FRY: variants seen among roughly 807,000 people sequenced by gnomAD.
FRY encodes protein furry homolog.
Under a neutral mutation model 348.4 loss-of-function variants are expected in FRY, and 128 were observed. That is an observed-to-expected ratio of 0.37 (90% CI 0.32 to 0.43). FRY has a LOEUF of 0.43. FRY is among the 20% of genes least tolerant of loss of function. The pLI, the probability that FRY is intolerant of heterozygous loss-of-function variation, is 1.00. For synonymous variants in FRY, 1,370 were observed against 1,374.7 expected (o/e 1.00, Z 0.08); for missense variants, 2,736 against 3,695.2 (o/e 0.74, Z 6.73).
chr13:32,274,954 G>A lies in FRY; in HGVS notation c.8249G>A (p.Cys2750Tyr), dbSNP rs1397205634. 1.2e-6 allele frequency: 2 copies of A among 1,613,692 alleles called. No individual in the cohort carries two copies. The highest frequency in any genetic ancestry group is 1.7e-6 in the Non-Finnish European group (2 of 1,179,800). ...AGCTCTTCCCAGATGCTCACCTCCT[G>A]CTCTGAATGTCCTACACTTTTTGTG... ...FVSSSQMLTS[C>Y]SECPTLFVDA... is the part of the protein sequence containing the mutation. Residue 2750 changes from cysteine (C) to tyrosine (Y), a missense_variant, in exon 56 of 61, where the codon TGC becomes TAC. Physicochemically the swap from Cys to Tyr is radical, Grantham distance 194 (BLOSUM62 -2). This residue lies in a region of FRY where 789 missense variants were observed against 996.2 expected (regional missense o/e 0.79). Coordinates refer to ENST00000542859, the MANE Select transcript of FRY (RefSeq NM_023037.3).
At chr13:32,233,290 A>G (rs1205806859) in intron 41 of FRY, among the ~76,000 whole-genome samples, 1 of 152,190 alleles carries the variant, frequency 6.6e-6, no homozygotes, top group African/African-American at 2.4e-5. Flanking sequence ...GTAGCAGCCA[A>G]ATGTGCTGCA....
chr13:32,226,663 T>TATTC (rs1364136383), intron 39 of FRY, among the ~76,000 whole-genome samples: 1 of 152,210 alleles, frequency 6.6e-6, no homozygotes, highest in Non-Finnish European at 1.5e-5. Flanking sequence ...TTTTTTTACC[T>TATTC]ATTCATTTTA....
At position 32,298,429 on chromosome 13, in the gene FRY, A is replaced by G. The variant is rs185856965; in HGVS notation, c.*2969A>G. On this transcript the variant is annotated 3_prime_UTR_variant, in exon 61 of 61. Transcript: ENST00000542859. Reference sequence around the variant, plus strand: ...ATCAATTAATATTTGGATACCTATCATGACCCAGGATATTTCTTTGTTCAG... The same window carrying G: ...ATCAATTAATATTTGGATACCTATCGTGACCCAGGATATTTCTTTGTTCAG... 1.2e-3 allele frequency: 179 copies of G among 152,370 alleles called. No homozygotes were observed. The highest frequency in any genetic ancestry group is 4.0e-3 in the African/African-American group (167 of 41,584). The allele number at this position is 152,370 out of a possible 1,614,324, so 9.4% of individuals were successfully genotyped here.
chr13:32,275,838 G>A (rs573334472), intron 56 of FRY, among the ~76,000 whole-genome samples: 8 of 151,994 alleles, frequency 5.3e-5, no homozygotes, highest in Admixed American at 5.2e-4. Context: ...CTAACCATGC[G>A]AGACTGACGA....
intron 30 of FRY, 130 bp downstream of exon 30, chr13:32,202,170 G>A (rs1415351760): frequency 1.2e-5 from 10 of 800,150 alleles, no homozygotes; most frequent in Non-Finnish European, 2.0e-5. Context: ...TGGCTATGAA[G>A]AGTGAGAAAG....
intron 55 of FRY, among the ~76,000 whole-genome samples, chr13:32,273,316 G>A (rs1223502828): frequency 2.0e-5 from 3 of 151,348 alleles, no homozygotes; most frequent in East Asian, 3.9e-4. Flanking sequence ...CCGCCCCCTG[G>A]GGTTCACGCC....
chr13:32,297,906 A>G lies in FRY; in HGVS notation c.*2446A>G, dbSNP rs965678463. ...TGTCTCACTGTTTTCTAGCACTGAA[A>G]CATGATACACTTTGTATCCACCTGC... is the stretch of plus-strand genomic sequence containing the variant. On this transcript the variant is annotated 3_prime_UTR_variant, in exon 61 of 61. Transcript: ENST00000542859. 6.6e-5 allele frequency: 10 copies of G among 152,238 alleles called. No individual in the cohort carries two copies. Among genetic ancestry groups the G allele is most frequent in the Non-Finnish European group, 1.3e-4 (9 of 68,046 alleles). The allele number at this position is 152,238 out of a possible 1,614,324, so 9.4% of individuals were successfully genotyped here.
At position 32,072,122 on chromosome 13, in the gene FRY, TATC is replaced by T. The variant is rs1419337717; in HGVS notation, c.71-6709_71-6707del. On this transcript the variant is annotated intron_variant, in intron 1 of 60. Coordinates refer to ENST00000542859, the MANE Select transcript of FRY (RefSeq NM_023037.3). ...TTAAAGATACTAATTCGTCTGGAGATATCATGTAGATTCTGAAACTTGAAGGAA... is the reference window on the plus strand; with the variant it reads ...TTAAAGATACTAATTCGTCTGGAGATATGTAGATTCTGAAACTTGAAGGAA... Among the ~76,000 whole-genome samples the T allele has an allele frequency of 5.9e-5, 9 of 152,304 alleles. No homozygotes were observed. The East Asian group carries it at 1.3e-3, about 23-fold the overall frequency.
chr13:32,060,068 C>T (rs532222496), intron 1 of FRY, among the ~76,000 whole-genome samples: 1 of 152,234 alleles, frequency 6.6e-6, no homozygotes, highest in African/African-American at 2.4e-5. Context: ...TAATTACAAC[C>T]TATATTGCTA....
chr13:32,038,247 A>C (rs1275973384), intron 1 of FRY, among the ~76,000 whole-genome samples: 2 of 152,240 alleles, frequency 1.3e-5, no homozygotes, highest in Non-Finnish European at 2.9e-5. Flanking sequence ...ATCTTCGTCC[A>C]TGGTATTTAC....
intron 58 of FRY, among the ~76,000 whole-genome samples, chr13:32,279,491 T>A (rs556179664): frequency 1.3e-5 from 2 of 152,238 alleles, no homozygotes; most frequent in East Asian, 3.9e-4. Context: ...TTAACAGCAA[T>A]AATAAGCAAC....
Position 32,256,155 on chromosome 13 carries a change from C to CT in FRY, c.7416+1768dup, listed in dbSNP as rs554080481. Among the ~76,000 whole-genome samples, 1,079 of 152,148 alleles carry CT rather than the reference C, an allele frequency of 7.1e-3. 7 individuals are homozygous for CT. The highest frequency in any genetic ancestry group is 0.013 in the Non-Finnish European group (873 of 67,992). ...GGACAAGAAATAAGGAATACTACAC[C>CT]TTTTTTTCTGGTCTTCTCTTTATTG... is the stretch of plus-strand genomic sequence containing the variant. On this transcript the variant is annotated intron_variant, in intron 51 of 60. Coordinates refer to ENST00000542859, the MANE Select transcript of FRY (RefSeq NM_023037.3).
chr13:32,122,380 T>C (rs1878717814), intron 4 of FRY, among the ~76,000 whole-genome samples: 1 of 151,556 alleles, frequency 6.6e-6, no homozygotes, highest in Non-Finnish European at 1.5e-5. Flanking sequence ...GAGGCGGAGC[T>C]TGCAGTGAGC....
chr13:32,205,202 C>CAAA (rs35930899), intron 31 of FRY, among the ~76,000 whole-genome samples: 4,013 of 76,770 alleles, frequency 0.052, 245 homozygotes, highest in East Asian at 0.088. Flanking sequence ...GACTCTGTCT[C>CAAA]AAAAAAAAAA....
chr13:32,205,416 T>C (rs1009902317), intron 31 of FRY, among the ~76,000 whole-genome samples: 3 of 152,100 alleles, frequency 2.0e-5, no homozygotes, highest in Admixed American at 6.5e-5. Context: ...AGCAGACAAG[T>C]AGTTGATAGA....
chr13:32,172,118 GGATGTGGATGTA>G (rs1882122957), intron 18 of FRY, among the ~76,000 whole-genome samples: 1 of 151,870 alleles, frequency 6.6e-6, no homozygotes, highest in Non-Finnish European at 1.5e-5. Context: ...TGGATGTGAT[GGATGTGGATGTA>G]GATGTGGATA....
chr13:32,213,323 G>T (rs750758996), intron 35 of FRY, among the ~76,000 whole-genome samples: 4 of 152,156 alleles, frequency 2.6e-5, no homozygotes, highest in Non-Finnish European at 5.9e-5. Context: ...GGGCTCTGAA[G>T]GCTCCTTCCC....
At chr13:32,265,644 G>T in intron 54 of FRY, 28 bp downstream of exon 54, 1 of 1,605,234 alleles carries the variant, frequency 6.2e-7, no homozygotes, top group Non-Finnish European at 8.5e-7. Flanking sequence ...TGATGTGAGT[G>T]GTGTGAATGT....
chr13:32,193,326 T>C (rs1352604960), intron 28 of FRY, among the ~76,000 whole-genome samples: 1 of 152,104 alleles, frequency 6.6e-6, no homozygotes, highest in South Asian at 2.1e-4. Flanking sequence ...GATTTTTTCC[T>C]TAAGAGACTT....
Sources: allele counts gnomAD v4.1 joint callset (sites outside exome capture counted in the v4.1 genomes callset), GRCh38; gene constraint gnomAD v4.1.1; regional missense constraint gnomAD v4.1.1; transcripts MANE v1.5; gene names NCBI Gene and HGNC (gene_info 2026-07-23, HGNC 2026-07-21).